DHX15: variants seen among roughly 807,000 people sequenced by gnomAD.
DHX15 encodes DEAH-box helicase 15, also known as ATP-dependent RNA helicase DHX15.
In DHX15, 11 loss-of-function variants were observed where a neutral mutation model predicts 94.4. The observed-to-expected ratio is 0.12, with a 90% CI of 0.07 to 0.19. The LOEUF is 0.19. Ranked by LOEUF, DHX15 falls within the 10% of genes least tolerant of loss-of-function variation. DHX15 has a pLI of 1.00. For synonymous variants in DHX15, 338 were observed against 329.9 expected (o/e 1.02, Z -0.27); for missense variants, 304 against 988.5 (o/e 0.31, Z 9.29).
chr4:24,548,117 C>T (rs1353946016), intron 6 of DHX15, among the ~76,000 whole-genome samples: 2 of 145,626 alleles, frequency 1.4e-5, no homozygotes, highest in Non-Finnish European at 3.0e-5. Context: ...AACTCACATA[C>T]TTATGCAGTG....
At chr4:24,575,482 C>A (rs570229943) in intron 2 of DHX15, among the ~76,000 whole-genome samples, 1 of 152,150 alleles carries the variant, frequency 6.6e-6, no homozygotes, top group Non-Finnish European at 1.5e-5. Flanking sequence ...TTAAAAAGTA[C>A]ATTAGAATGC....
intron 8 of DHX15, among the ~76,000 whole-genome samples, chr4:24,541,570 G>A (rs1214790935): frequency 6.6e-6 from 1 of 151,976 alleles, no homozygotes; most frequent in Non-Finnish European, 1.5e-5. Context: ...CACATCTAAA[G>A]AAAGAATGCA....
chr4:24,581,297 G>A (rs891772711), intron 1 of DHX15, among the ~76,000 whole-genome samples: 3 of 152,006 alleles, frequency 2.0e-5, no homozygotes, highest in Non-Finnish European at 2.9e-5. Context: ...CAAAGTGCTG[G>A]GATTACAGGC....
At chr4:24,546,805 TG>T (rs1303096013) in intron 6 of DHX15, among the ~76,000 whole-genome samples, 7 of 152,200 alleles carry the variant, frequency 4.6e-5, no homozygotes, top group African/African-American at 1.7e-4. Flanking sequence ...ATTAATTTGA[TG>T]GAAATTAAAA....
At chr4:24,578,422 A>G (rs1722324305) in intron 1 of DHX15, among the ~76,000 whole-genome samples, 1 of 151,522 alleles carries the variant, frequency 6.6e-6, no homozygotes, top group African/African-American at 2.4e-5. Flanking sequence ...AATGGTTCAA[A>G]TACTTGACAC....
intron 12 of DHX15, among the ~76,000 whole-genome samples, chr4:24,532,490 C>A (rs1004310390): frequency 3.9e-5 from 6 of 152,154 alleles, no homozygotes; most frequent in African/African-American, 1.4e-4. Context: ...TCCAATTAAG[C>A]CCTAGATTCA....
chr4:24,542,074 G>T, intron 7 of DHX15, 52 bp from the exon 8 acceptor site: 1 of 1,485,102 alleles, frequency 6.7e-7, no homozygotes. Context: ...ACACAAAATT[G>T]TGATGCAACA....
chr4:24,557,164 A>G (rs1361845420), intron 3 of DHX15, among the ~76,000 whole-genome samples: 1 of 152,156 alleles, frequency 6.6e-6, no homozygotes, highest in Non-Finnish European at 1.5e-5. Context: ...AATGAAGGCA[A>G]TGAGATCAAG....
chr4:24,570,224 G>A (rs375690502), intron 3 of DHX15, among the ~76,000 whole-genome samples: 24 of 152,126 alleles, frequency 1.6e-4, no homozygotes, highest in African/African-American at 5.1e-4. Flanking sequence ...ACAGATGCAC[G>A]GTAATAGCTG....
At chr4:24,543,887 T>C (rs576345224) in intron 6 of DHX15, among the ~76,000 whole-genome samples, 6 of 152,210 alleles carry the variant, frequency 3.9e-5, no homozygotes, top group African/African-American at 1.4e-4. Flanking sequence ...ATGCAAGCAA[T>C]TGATACAGAA....
intron 5 of DHX15, among the ~76,000 whole-genome samples, chr4:24,552,969 T>C (rs74899810): frequency 0.054 from 8,192 of 152,324 alleles, 339 homozygotes; most frequent in African/African-American, 0.11. Flanking sequence ...ATATTTCTGA[T>C]AGAATCTCAA....
chr4:24,567,659 C>T (rs1316683408), intron 3 of DHX15, among the ~76,000 whole-genome samples: 1 of 151,726 alleles, frequency 6.6e-6, no homozygotes, highest in Non-Finnish European at 1.5e-5. Flanking sequence ...AAGCCAACAA[C>T]CTCTCCTTCC....
intron 5 of DHX15, among the ~76,000 whole-genome samples, chr4:24,552,413 T>C (rs1028993572): frequency 7.2e-5 from 11 of 152,358 alleles, no homozygotes; most frequent in African/African-American, 2.6e-4. Context: ...AATTACTATC[T>C]AGGCAACACT....
chr4:24,561,992 G>A (rs1458200488), intron 3 of DHX15, among the ~76,000 whole-genome samples: 3 of 151,902 alleles, frequency 2.0e-5, no homozygotes, highest in African/African-American at 4.8e-5. Context: ...TTCACCAGGC[G>A]TGGTGGCGTG....
At chr4:24,562,363 T>C (rs567348726) in intron 3 of DHX15, among the ~76,000 whole-genome samples, 17 of 152,266 alleles carry the variant, frequency 1.1e-4, no homozygotes, top group Admixed American at 2.6e-4. Context: ...GAGAATTACA[T>C]GGAGCGATGA....
At chr4:24,553,726 G>A (rs1007196087) in intron 5 of DHX15, among the ~76,000 whole-genome samples, 2 of 151,386 alleles carry the variant, frequency 1.3e-5, no homozygotes, top group African/African-American at 2.4e-5. Flanking sequence ...GCAGTGAGCC[G>A]ATAATCATGC....
intron 12 of DHX15, chr4:24,530,245 A>C (rs925299834): frequency 5.8e-6 from 1 of 172,580 alleles, no homozygotes; most frequent in Non-Finnish European, 1.2e-5. Context: ...CAGGCTCTTC[A>C]GCACTGGGCG....
intron 1 of DHX15, among the ~76,000 whole-genome samples, chr4:24,578,437 A>C (rs576996151): frequency 1.3e-5 from 2 of 151,122 alleles, no homozygotes; most frequent in East Asian, 3.9e-4. Context: ...TGACACCTTA[A>C]AGATCATGGA....
chr4:24,547,916 T>TCTATATAG (rs1560765778), intron 6 of DHX15, among the ~76,000 whole-genome samples: 579 of 50,530 alleles, frequency 0.011, 21 homozygotes, highest in African/African-American at 0.05. Flanking sequence ...TATATATATA[T>TCTATATAG]ATATATATAT....
Sources: gnomAD v4.1 joint callset for allele counts (sites outside exome capture counted in the v4.1 genomes callset) on GRCh38, gnomAD v4.1.1 for gene constraint, MANE v1.5 for transcripts, NCBI Gene and HGNC (gene_info 2026-07-23, HGNC 2026-07-21) for gene names.